The following OSBPL8 variants were observed in gnomAD, a reference collection of about 807,000 sequenced individuals.
The protein encoded by OSBPL8 is oxysterol binding protein like 8, also known as oxysterol-binding protein-related protein 8.
Under a neutral mutation model 125.5 loss-of-function variants are expected in OSBPL8, and 59 were observed. The ratio of observed to expected loss-of-function variants is 0.47; its 90% CI spans 0.38 to 0.58. The LOEUF (loss-of-function observed/expected upper bound fraction) is 0.58. Ranked by LOEUF, OSBPL8 falls within the 20% of genes least tolerant of loss-of-function variation. The probability of loss-of-function intolerance (pLI) is 0.00; values close to 1 mark genes in which losing one functional copy is unlikely to be tolerated. For synonymous variants in OSBPL8, 330 were observed against 338.9 expected (o/e 0.97, Z 0.29); for missense variants, 758 against 1,047.8 (o/e 0.72, Z 3.82).
At chr12:76,519,074 A>T (rs1881824464) in intron 1 of OSBPL8, among the ~76,000 whole-genome samples, 2 of 152,176 alleles carry the variant, frequency 1.3e-5, no homozygotes, top group South Asian at 4.1e-4. Context: ...AAATTTTCCG[A>T]ATTTTTATGC....
chr12:76,464,291 A>G (rs942204035), intron 2 of OSBPL8, among the ~76,000 whole-genome samples: 2 of 152,148 alleles, frequency 1.3e-5, no homozygotes, highest in African/African-American at 2.4e-5. Context: ...TGTCTCTAAA[A>G]AGCAACAGTT....
chr12:76,462,446 A>T (rs1000377520), intron 2 of OSBPL8, among the ~76,000 whole-genome samples: 3 of 152,178 alleles, frequency 2.0e-5, no homozygotes, highest in Non-Finnish European at 2.9e-5. Flanking sequence ...ACAATAATCA[A>T]AACAAACATC....
At chr12:76,524,467 A>G (rs1053849670) in intron 1 of OSBPL8, among the ~76,000 whole-genome samples, 1 of 152,114 alleles carries the variant, frequency 6.6e-6, no homozygotes, top group Non-Finnish European at 1.5e-5. Flanking sequence ...GCCTTTCCCA[A>G]ATGTTTTCCA....
chr12:76,415,130 C>G (rs911055345), intron 4 of OSBPL8, among the ~76,000 whole-genome samples: 1 of 152,192 alleles, frequency 6.6e-6, no homozygotes, highest in African/African-American at 2.4e-5. Flanking sequence ...CACTTCCATC[C>G]TCTGAAAGCA....
intron 2 of OSBPL8, among the ~76,000 whole-genome samples, chr12:76,465,863 G>C (rs929453780): frequency 6.6e-6 from 1 of 151,882 alleles, no homozygotes; most frequent in African/African-American, 2.4e-5. Flanking sequence ...AAAATTAGCT[G>C]GGTGTGGTGG....
intron 1 of OSBPL8, among the ~76,000 whole-genome samples, chr12:76,500,502 T>G (rs954031787): frequency 8.5e-5 from 13 of 152,224 alleles, no homozygotes; most frequent in Non-Finnish European, 2.9e-5. Context: ...CTATTTAAGT[T>G]TTTAAAATTT....
Position 76,465,484 on chromosome 12 carries a change from C to T in OSBPL8, c.43-5589G>A, listed in dbSNP as rs181719093. ...CTTAGGCAGGAGAATGGCATGAACCCGGGAGGCGGAGCTTACAGTGAGCCA... is the reference window on the plus strand; with the variant it reads ...CTTAGGCAGGAGAATGGCATGAACCTGGGAGGCGGAGCTTACAGTGAGCCA... On this transcript the variant is annotated intron_variant, in intron 2 of 23. Transcript: ENST00000261183. Among the ~76,000 whole-genome samples the T allele has an allele frequency of 2.0e-5, 3 of 152,036 alleles. No individual in the cohort carries two copies. The East Asian group carries it at 5.8e-4, about 29-fold the overall frequency.
chr12:76,512,065 T>A (rs964960993), intron 1 of OSBPL8, among the ~76,000 whole-genome samples: 1 of 152,234 alleles, frequency 6.6e-6, no homozygotes, highest in Non-Finnish European at 1.5e-5. Context: ...TATTATTACA[T>A]CACCCAGGTA....
intron 2 of OSBPL8, among the ~76,000 whole-genome samples, chr12:76,476,007 A>T (rs1221814347): frequency 6.6e-6 from 1 of 152,198 alleles, no homozygotes; most frequent in Non-Finnish European, 1.5e-5. Flanking sequence ...GCTTTCTCTC[A>T]AATGGGCTGT....
chr12:76,533,529 C>A (rs1434018431), intron 1 of OSBPL8, among the ~76,000 whole-genome samples: 2 of 152,182 alleles, frequency 1.3e-5, no homozygotes, highest in Non-Finnish European at 2.9e-5. Flanking sequence ...TTGCAATCCA[C>A]TGAAGTCTTT....
rs941081885 is a variant in OSBPL8, at chr12:76,440,714, A to C, written c.217+10137T>G. Among the ~76,000 whole-genome samples the C allele has an allele frequency of 1.8e-4, 28 of 152,288 alleles. 1 individual carries two copies. Among genetic ancestry groups the C allele is most frequent in the East Asian group, 1.2e-3 (6 of 5,184 alleles). Reference sequence around the variant, plus strand: ...TGTGGGTATGTTATCCAGTTCATTAACTAAGTACGTTACCCTTCAGGACCT... The same window carrying C: ...TGTGGGTATGTTATCCAGTTCATTACCTAAGTACGTTACCCTTCAGGACCT... On this transcript the variant is annotated intron_variant, in intron 4 of 23. Transcript: ENST00000261183.
chr12:76,537,939 A>T (rs904657158), intron 1 of OSBPL8: 1 of 152,248 alleles, frequency 6.6e-6, no homozygotes, highest in Non-Finnish European at 1.5e-5. Context: ...TAAAATAAAT[A>T]AAGACAGTAA....
chr12:76,383,767 T>C (rs1473692485), intron 15 of OSBPL8, among the ~76,000 whole-genome samples: 1 of 152,220 alleles, frequency 6.6e-6, no homozygotes, highest in Non-Finnish European at 1.5e-5. Context: ...TATATTAATG[T>C]TTCCTACTAT....
At chr12:76,358,832 T>G (rs1952090943) in intron 21 of OSBPL8, 21 bp from the exon 22 acceptor site, 1 of 1,590,690 alleles carries the variant, frequency 6.3e-7, no homozygotes, top group Admixed American at 1.7e-5. Flanking sequence ...AAATAACTAT[T>G]TTGTGAATTT....
intron 1 of OSBPL8, among the ~76,000 whole-genome samples, chr12:76,556,810 C>T (rs1951115983): frequency 6.6e-6 from 1 of 152,096 alleles, no homozygotes; most frequent in Non-Finnish European, 1.5e-5. Context: ...ATTACAGGCA[C>T]ACACTGCCAC....
In OSBPL8 at chr12:76,534,298, G is replaced by A. The variant is rs562660593; in HGVS notation, c.-68+25099C>T. The A allele has an allele frequency of 7.9e-5, 12 of 152,266 alleles. No homozygotes were observed. The South Asian group carries it at 1.7e-3, about 21-fold the overall frequency. 9.4% of individuals were successfully genotyped at this position (152,266 alleles called of 1,614,324 possible). A position where few individuals can be genotyped will look rare whatever the true frequency, so the allele number is the denominator to read the frequency against. On this transcript the variant is annotated intron_variant, in intron 1 of 23. Coordinates refer to ENST00000261183, the MANE Select transcript of OSBPL8 (RefSeq NM_020841.5). The stretch of plus-strand genomic sequence containing the variant: ...GGAATGTTTCTGTTAAAGAATGGGC[G>A]AAGAAGGAAAAGAAACACAATTTTA...
intron 2 of OSBPL8, among the ~76,000 whole-genome samples, chr12:76,467,663 T>C (rs1249140351): frequency 1.3e-5 from 2 of 151,064 alleles, no homozygotes; most frequent in Non-Finnish European, 3.0e-5. Flanking sequence ...CATTCAGTCT[T>C]TTTTTTTTCA....
rs371250300 is a variant in OSBPL8 at position 76,391,847 on chromosome 12, T to C, written c.929+734A>G. Among the ~76,000 whole-genome samples, 16 of 151,800 alleles carry C rather than the reference T, an allele frequency of 1.1e-4. No individual in the cohort carries two copies. The East Asian group carries it at 1.9e-3, about 18-fold the overall frequency. On this transcript the variant is annotated intron_variant, in intron 10 of 23. Transcript: ENST00000261183. ...GAAGAAATGTCTAAATCAGGCAATA[T>C]GAAGAAGAGGAGAATAGCAGTCTAA...
intron 1 of OSBPL8, among the ~76,000 whole-genome samples, chr12:76,502,216 TC>T (rs34010817): frequency 0.17 from 26,616 of 152,102 alleles, 2,492 homozygotes; most frequent in Middle Eastern, 0.24. Context: ...GGTGCATGGC[TC>T]TGAGAATGAG....
Sources: gnomAD v4.1 joint callset for allele counts (sites outside exome capture counted in the v4.1 genomes callset) on GRCh38, gnomAD v4.1.1 for gene constraint, MANE v1.5 for transcripts, NCBI Gene and HGNC (gene_info 2026-07-23, HGNC 2026-07-21) for gene names.